PCNX4: variants seen among roughly 807,000 people sequenced by gnomAD.
The protein encoded by PCNX4 is pecanex 4.
PCNX4 carries 103 observed loss-of-function variants against 107.2 expected under a neutral mutation model. The observed-to-expected ratio is 0.96, with a 90% CI of 0.82 to 1.13. The LOEUF (loss-of-function observed/expected upper bound fraction) is 1.13. Among genes scored for constraint, PCNX4 ranks in the 50% most tolerant of loss-of-function variants. PCNX4 has a pLI of 0.00. For synonymous variants in PCNX4, 541 were observed against 481.7 expected (o/e 1.12, Z -1.61); for missense variants, 1,528 against 1,379.4 (o/e 1.11, Z -1.71).
intron 6 of PCNX4, among the ~76,000 whole-genome samples, chr14:60,117,439 G>T (rs1054226581): frequency 1.3e-5 from 2 of 152,142 alleles, no homozygotes; most frequent in African/African-American, 4.8e-5. Context: ...TATAGCCTAG[G>T]TATGTAGTAG....
chr14:60,126,425 T>C (rs1896056625), intron 10 of PCNX4, among the ~76,000 whole-genome samples: 1 of 152,226 alleles, frequency 6.6e-6, no homozygotes, highest in Non-Finnish European at 1.5e-5. Context: ...CTAGTGAAAC[T>C]GATGAAAATT....
rs1036511744 is a variant in PCNX4 at position 60,092,198 on chromosome 14, T to A, written c.-275T>A. The A allele has an allele frequency of 6.6e-6, 1 of 152,270 alleles. No homozygotes were observed. Among genetic ancestry groups the A allele is most frequent in the Non-Finnish European group, 1.5e-5 (1 of 68,052 alleles). The allele number at this position is 152,270 out of a possible 1,614,324, so 9.4% of individuals were successfully genotyped here. A position where few individuals can be genotyped will look rare whatever the true frequency, so the allele number is the denominator to read the frequency against. ...GGTCCCCGAACGCGCACGCGCTCCGTTCAGCTCCGGGTGGCGGCCGCCGGA... is the reference window on the plus strand; with the variant it reads ...GGTCCCCGAACGCGCACGCGCTCCGATCAGCTCCGGGTGGCGGCCGCCGGA... On this transcript the variant is annotated 5_prime_UTR_variant, in exon 1 of 11. Transcript: ENST00000406854.
chr14:60,125,668 A>C lies in PCNX4; in HGVS notation c.3112A>C (p.Ser1038Arg). 1.3e-6 allele frequency: 2 copies of C among 1,560,952 alleles called. No individual in the cohort carries two copies. The highest frequency in any genetic ancestry group is 3.4e-4 in the Middle Eastern group (2 of 5,862). Reference sequence around the variant, plus strand: ...TCTGAAACTAATGATTGATAAAGCAAGTTTAGGTCCAATAGAAGACTTTAG... The same window carrying C: ...TCTGAAACTAATGATTGATAAAGCACGTTTAGGTCCAATAGAAGACTTTAG... ...YTLKLMIDKA[S>R]LGPIEDFREL... is the part of the protein sequence containing the mutation. The change falls in exon 10 of 11, where the codon AGT (serine) becomes CGT (arginine). Residue 1038 changes from serine to arginine, a missense_variant. Transcript: ENST00000406854.
At chr14:60,122,295 C>A (rs1405610691) in intron 8 of PCNX4, among the ~76,000 whole-genome samples, 1 of 152,142 alleles carries the variant, frequency 6.6e-6, no homozygotes, top group Non-Finnish European at 1.5e-5. Flanking sequence ...CATGTCACTT[C>A]TGTAGTCAAA....
Position 60,128,668 on chromosome 14 carries a change from G to C in PCNX4, c.3267+2845G>C, listed in dbSNP as rs575726808. On this transcript the variant is annotated intron_variant, in intron 10 of 10. Transcript: ENST00000406854. ...CACAAAAACAAAGAGCACCAATAAA[G>C]GTAACTGTGTAATTATAAAAAACAA... Among the ~76,000 whole-genome samples, 6 of 152,128 alleles carry C rather than the reference G, an allele frequency of 3.9e-5. No homozygotes were observed. The South Asian group carries it at 8.3e-4, about 21-fold the overall frequency.
In PCNX4 at chr14:60,145,993, A is replaced by T. The variant is rs1896396353; in HGVS notation, c.*11772A>T. On this transcript the variant is annotated 3_prime_UTR_variant, in exon 11 of 11. Coordinates refer to ENST00000406854, the MANE Select transcript of PCNX4 (RefSeq NM_001330177.2). The surrounding 1 kb of genome is among the most constrained non-coding windows in gnomAD (Gnocchi z 4.0). ...AGCTATGCTAGCATTTTCTTAACTT[A>T]GACGCTTATCAATAAGAAAATTTAT... The T allele has an allele frequency of 2.0e-5, 3 of 150,338 alleles. No individual in the cohort carries two copies. The highest frequency in any genetic ancestry group is 4.9e-5 in the African/African-American group (2 of 41,158). 9.3% of individuals were successfully genotyped at this position (150,338 alleles called of 1,614,324 possible).
intron 6 of PCNX4, 79 bp downstream of exon 6, chr14:60,116,139 G>A: frequency 7.8e-7 from 1 of 1,280,166 alleles, no homozygotes. Flanking sequence ...TGTATATTCA[G>A]TTTTGTAGTC....
Position 60,137,203 on chromosome 14 carries a change from G to A in PCNX4, c.*2982G>A, listed in dbSNP as rs1896250402. 1 of 152,172 alleles carries A rather than the reference G, an allele frequency of 6.6e-6. No individual in the cohort carries two copies. The highest frequency in any genetic ancestry group is 6.5e-5 in the Admixed American group (1 of 15,272). The allele number at this position is 152,172 out of a possible 1,614,324, so 9.4% of individuals were successfully genotyped here. On this transcript the variant is annotated 3_prime_UTR_variant, in exon 11 of 11. Transcript: ENST00000406854. ...AGCATTTGGGCTGCTTTTCTTATAG[G>A]AGACATGCCAATTCAGGATAAGGTG...
intron 7 of PCNX4, among the ~76,000 whole-genome samples, chr14:60,119,550 A>G (rs1362866852): frequency 6.6e-6 from 1 of 152,132 alleles, no homozygotes; most frequent in African/African-American, 2.4e-5. Flanking sequence ...AGAAAAAAAT[A>G]TTTTATCTTT....
Position 60,106,579 on chromosome 14 carries a change from A to G in PCNX4, c.-53-1007A>G, listed in dbSNP as rs192388343. Among the ~76,000 whole-genome samples the G allele has an allele frequency of 4.6e-5, 7 of 152,282 alleles. No individual in the cohort carries two copies. In the East Asian group the frequency reaches 1.3e-3, roughly 29 times the overall value. ...ACTAAGACCAATGACTGGAAGATGT[A>G]AGAAGATAGATGTTTACAATTTTAA... On this transcript the variant is annotated intron_variant, in intron 1 of 10. Transcript: ENST00000406854.
At chr14:60,099,002 A>T (rs1025979513) in intron 1 of PCNX4, among the ~76,000 whole-genome samples, 1 of 152,006 alleles carries the variant, frequency 6.6e-6, no homozygotes, top group South Asian at 2.1e-4. Flanking sequence ...ATGGCATGGC[A>T]TTCGGTTAAG....
In PCNX4 at chr14:60,125,831, T is replaced by C; in HGVS notation, c.3267+8T>C. 6.3e-7 allele frequency: 1 copy of C among 1,578,352 alleles called. No homozygotes were observed. Among genetic ancestry groups the C allele is most frequent in the Non-Finnish European group, 8.6e-7 (1 of 1,164,414 alleles). The stretch of plus-strand genomic sequence containing the variant: ...GGGTATGATTCTAATATGGTAAGGT[T>C]AAAAAATTTTTAAACTTACATATAC... On this transcript the variant is annotated splice_region_variant and intron_variant, in intron 10 of 10. Transcript: ENST00000406854.
intron 1 of PCNX4, among the ~76,000 whole-genome samples, chr14:60,101,058 C>T (rs1358378033): frequency 2.0e-5 from 3 of 152,230 alleles, no homozygotes; most frequent in Non-Finnish European, 4.4e-5. Flanking sequence ...TCTCCACAAT[C>T]CTTTATCTTA....
Position 60,124,299 on chromosome 14 carries a change from GA to G in PCNX4, c.2130del (p.Glu710AspfsTer16), listed in dbSNP as rs781517551. On this transcript the variant is annotated frameshift_variant, in exon 9 of 11. Coordinates refer to ENST00000406854, the MANE Select transcript of PCNX4 (RefSeq NM_001330177.2). LOFTEE classifies it high-confidence loss of function. ...DEVFEDAFEQ[E>X]YTRVCSLNEH... ...AGTTTTTGAAGATGCTTTTGAGCAA[GA>G]ATACACAAGAGTATGTTCCCTTAAT... 2 of 1,609,228 alleles carry G rather than the reference GA, an allele frequency of 1.2e-6. No homozygotes were observed. Among genetic ancestry groups the G allele is most frequent in the Admixed American group, 3.4e-5 (2 of 59,046 alleles).
chr14:60,096,691 T>C (rs1184163455), intron 1 of PCNX4, among the ~76,000 whole-genome samples: 1 of 152,192 alleles, frequency 6.6e-6, no homozygotes, highest in Non-Finnish European at 1.5e-5. Flanking sequence ...TGTAATATGA[T>C]AGTGTGGTCA....
At position 60,134,110 on chromosome 14, in the gene PCNX4, T is replaced by G; in HGVS notation, c.3408T>G (p.Tyr1136Ter). Reference sequence around the variant, plus strand: ...CCACAAACGATGATGAAGAACGTTATAGTATACAAGCTCATCCACTACTTT... The same window carrying G: ...CCACAAACGATGATGAAGAACGTTAGAGTATACAAGCTCATCCACTACTTT... Reference protein sequence around the residue: ...LYATNDDEERYSIQAHPLLLR... With the variant: ...LYATNDDEER Residue 1136 changes from tyrosine to a stop codon, truncating the protein, a stop_gained, in exon 11 of 11, where the codon TAT (tyrosine) becomes TAG (stop). Transcript: ENST00000406854. LOFTEE classifies it high-confidence loss of function. 1.2e-6 allele frequency: 2 copies of G among 1,613,870 alleles called. No individual in the cohort carries two copies. The highest frequency in any genetic ancestry group is 1.7e-6 in the Non-Finnish European group (2 of 1,179,804).
In PCNX4 at chr14:60,138,715, G is replaced by C. The variant is rs1201255907; in HGVS notation, c.*4494G>C. The C allele has an allele frequency of 1.3e-5, 2 of 152,094 alleles. No homozygotes were observed. Among genetic ancestry groups the C allele is most frequent in the African/African-American group, 4.8e-5 (2 of 41,428 alleles). The allele number at this position is 152,094 out of a possible 1,614,324, so 9.4% of individuals were successfully genotyped here. A position where few individuals can be genotyped will look rare whatever the true frequency, so the allele number is the denominator to read the frequency against. ...TAGCAGATTGTCATTAAAGGTGATA[G>C]TAAAGGGTATTCTTCAGACAGAAGG... is the stretch of plus-strand genomic sequence containing the variant. On this transcript the variant is annotated 3_prime_UTR_variant, in exon 11 of 11. Coordinates refer to ENST00000406854, the MANE Select transcript of PCNX4 (RefSeq NM_001330177.2).
intron 1 of PCNX4, among the ~76,000 whole-genome samples, chr14:60,092,724 G>C (rs1260016734): frequency 1.3e-5 from 2 of 152,122 alleles, no homozygotes; most frequent in African/African-American, 4.8e-5. Flanking sequence ...TGTCCGTTAG[G>C]TAGAACTGTA....
In PCNX4 at chr14:60,132,805, T is replaced by C. The variant is rs144422790; in HGVS notation, c.3268-1165T>C. On this transcript the variant is annotated intron_variant, in intron 10 of 10. Transcript: ENST00000406854. The stretch of plus-strand genomic sequence containing the variant: ...TGGACAAAGGATCTATATAGACATT[T>C]CTTTAAAGAGGATGTACAAGTTGCC... 4.8e-3 allele frequency among the ~76,000 whole-genome samples: 725 copies of C among 152,302 alleles called. 8 individuals carry two copies. The highest frequency in any genetic ancestry group is 0.016 in the African/African-American group (684 of 41,576).
Sources: gnomAD v4.1 joint callset for allele counts (sites outside exome capture counted in the v4.1 genomes callset) on GRCh38, gnomAD v4.1.1 for gene constraint, Gnocchi (gnomAD v3.1) non-coding constraint, MANE v1.5 for transcripts, NCBI Gene and HGNC (gene_info 2026-07-23, HGNC 2026-07-21) for gene names.